The following UBE2Q2 variants were observed in gnomAD, a reference collection of about 807,000 sequenced individuals.
UBE2Q2 encodes ubiquitin conjugating enzyme E2 Q2, also known as ubiquitin-conjugating enzyme E2 Q2.
Under a neutral mutation model 59.9 loss-of-function variants are expected in UBE2Q2, and 54 were observed. The observed-to-expected ratio is 0.90, with a 90% CI of 0.72 to 1.13. The LOEUF is 1.13. Ranked by LOEUF, UBE2Q2 falls within the 50% of genes most tolerant of loss-of-function variation. UBE2Q2 has a pLI of 0.00. For missense variants in UBE2Q2, 433 were observed against 441.9 expected, an observed-to-expected ratio of 0.98 and a Z score of 0.18; for synonymous variants, 165 against 155.2, an observed-to-expected ratio of 1.06 and a Z score of -0.47.
Position 75,899,536 on chromosome 15 carries a change from G to GC in UBE2Q2, c.*82dup, listed in dbSNP as rs762281731. The stretch of plus-strand genomic sequence containing the variant: ...TAACATGCAGACAAAAGCTTTGAGT[G>GC]CCCCTATTACAGCAGTACCGAAGAT... On this transcript the variant is annotated 3_prime_UTR_variant, in exon 13 of 13. Coordinates refer to ENST00000267938, the MANE Select transcript of UBE2Q2 (RefSeq NM_173469.4). 2.3e-5 allele frequency: 29 copies of GC among 1,246,844 alleles called. No individual in the cohort carries two copies. The highest frequency in any genetic ancestry group is 3.2e-5 in the Non-Finnish European group (28 of 877,464). 77.2% of individuals were successfully genotyped at this position (1,246,844 alleles called of 1,614,324 possible).
At chr15:75,869,105 G>A in intron 4 of UBE2Q2, 95 bp downstream of exon 4, 2 of 1,030,660 alleles carry the variant, frequency 1.9e-6, no homozygotes, top group South Asian at 1.6e-5. Context: ...CTATTAATGT[G>A]GAATAATTGA....
intron 1 of UBE2Q2, among the ~76,000 whole-genome samples, chr15:75,853,515 T>C (rs532612672): frequency 2.6e-5 from 4 of 151,924 alleles, no homozygotes; most frequent in East Asian, 3.9e-4. Context: ...TATGTATGTA[T>C]GTATGTATGT....
At chr15:75,851,793 CT>C (rs1420292808) in intron 1 of UBE2Q2, among the ~76,000 whole-genome samples, 7 of 152,206 alleles carry the variant, frequency 4.6e-5, no homozygotes, top group Non-Finnish European at 8.8e-5. Flanking sequence ...CTCATGTATA[CT>C]TCCCGTTTCA....
chr15:75,850,787 T>C (rs1014801763), intron 1 of UBE2Q2, among the ~76,000 whole-genome samples: 7 of 152,214 alleles, frequency 4.6e-5, no homozygotes, highest in Admixed American at 2.6e-4. Flanking sequence ...CTTGAAAATA[T>C]ATTCAGCACT....
chr15:75,900,458 A>G lies in UBE2Q2; in HGVS notation c.*1000A>G, dbSNP rs1188609809. ...TTTTTATAGAACCTGACTCAAATCAAGGTACTCTCCATTTTATTGCCTTAC... is the reference window on the plus strand; with the variant it reads ...TTTTTATAGAACCTGACTCAAATCAGGGTACTCTCCATTTTATTGCCTTAC... On this transcript the variant is annotated 3_prime_UTR_variant, in exon 13 of 13. Coordinates refer to ENST00000267938, the MANE Select transcript of UBE2Q2 (RefSeq NM_173469.4). 6.6e-6 allele frequency: 1 copy of G among 152,636 alleles called. No individual in the cohort carries two copies. The highest frequency in any genetic ancestry group is 2.4e-5 in the African/African-American group (1 of 41,446). The allele number at this position is 152,636 out of a possible 1,614,324, so 9.5% of individuals were successfully genotyped here.
intron 3 of UBE2Q2, among the ~76,000 whole-genome samples, chr15:75,861,012 C>G (rs1483347071): frequency 1.3e-5 from 2 of 152,234 alleles, no homozygotes; most frequent in African/African-American, 2.4e-5. Context: ...TGTTCTGCTA[C>G]TTACTGGCTG....
At chr15:75,870,206 T>C (rs1239509247) in intron 4 of UBE2Q2, among the ~76,000 whole-genome samples, 1 of 152,146 alleles carries the variant, frequency 6.6e-6, no homozygotes, top group Non-Finnish European at 1.5e-5. Flanking sequence ...TAGCTGGGAC[T>C]ACAGGCGTGT....
chr15:75,893,890 C>A (rs1186356584), intron 11 of UBE2Q2, among the ~76,000 whole-genome samples: 1 of 152,152 alleles, frequency 6.6e-6, no homozygotes, highest in Non-Finnish European at 1.5e-5. Flanking sequence ...AAAATTCTAT[C>A]TATTCCTTTC....
intron 11 of UBE2Q2, among the ~76,000 whole-genome samples, chr15:75,896,063 A>G (rs999888604): frequency 6.6e-6 from 1 of 152,262 alleles, no homozygotes; most frequent in African/African-American, 2.4e-5. Flanking sequence ...ACATTCTCCA[A>G]GATATGCTAG....
rs758279814 is a variant in UBE2Q2, at chr15:75,869,027, AAAG to A, written c.447+22_447+24del. On this transcript the variant is annotated intron_variant, in intron 4 of 12. Coordinates refer to ENST00000267938, the MANE Select transcript of UBE2Q2 (RefSeq NM_173469.4). ...ATGGCTGAAGTAGGTATTTTATATA[AAAG>A]AAGAGTTCATAAATTTCTTCATTTT... The A allele has an allele frequency of 1.3e-6, 2 of 1,599,116 alleles. No homozygotes were observed. The highest frequency in any genetic ancestry group is 8.5e-7 in the Non-Finnish European group (1 of 1,170,426).
At chr15:75,897,222 A>ATTTAT (rs374922551) in intron 12 of UBE2Q2, among the ~76,000 whole-genome samples, 161 bp downstream of exon 12, 4,448 of 151,474 alleles carry the variant, frequency 0.029, 112 homozygotes, top group Middle Eastern at 0.065. Flanking sequence ...TTATTTATTT[A>ATTTAT]TTTATTTTAT....
At chr15:75,872,234 TA>T (rs1346492803) in intron 4 of UBE2Q2, among the ~76,000 whole-genome samples, 3 of 146,014 alleles carry the variant, frequency 2.1e-5, no homozygotes, top group African/African-American at 7.6e-5. Context: ...TCTCAAAAAA[TA>T]AAAAAATAAA....
chr15:75,888,635 T>C (rs1024611422), intron 9 of UBE2Q2, among the ~76,000 whole-genome samples: 5 of 152,226 alleles, frequency 3.3e-5, no homozygotes, highest in Non-Finnish European at 5.9e-5. Flanking sequence ...ACAAAATGAA[T>C]GTAATTTAAT....
At chr15:75,896,562 A>G (rs1344560096) in intron 11 of UBE2Q2, among the ~76,000 whole-genome samples, 1 of 152,206 alleles carries the variant, frequency 6.6e-6, no homozygotes, top group Non-Finnish European at 1.5e-5. Flanking sequence ...TGTCATTCAT[A>G]TGTATAGTTG....
rs920683090 is a variant in UBE2Q2, at chr15:75,843,602, G to A, written c.-65G>A. The A allele has an allele frequency of 1.5e-4, 222 of 1,433,464 alleles. No homozygotes were observed. Among genetic ancestry groups the A allele is most frequent in the Non-Finnish European group, 1.2e-4 (133 of 1,077,138 alleles). The allele number at this position is 1,433,464 out of a possible 1,614,324, so 88.8% of individuals were successfully genotyped here. On this transcript the variant is annotated 5_prime_UTR_variant, in exon 1 of 13. Coordinates refer to ENST00000267938, the MANE Select transcript of UBE2Q2 (RefSeq NM_173469.4). ...CGGTCGCGGCCGTGACGGCGGCTCC[G>A]GGCCCGGCTCCCCTTCCGCGCCCGG... is the stretch of plus-strand genomic sequence containing the variant.
Position 75,843,707 on chromosome 15 carries a change from C to T in UBE2Q2, c.41C>T (p.Ala14Val), listed in dbSNP as rs1416868040. 17 of 1,611,150 alleles carry T rather than the reference C, an allele frequency of 1.1e-5. No homozygotes were observed. The Admixed American group carries it at 2.5e-4, about 24-fold the overall frequency. ...SGLKAELKFL[A>V]SIFDKNHERF... ...CTCAAGGCCGAGCTGAAGTTCCTGG[C>T]GTCCATCTTCGACAAGAACCACGAG... Residue 14 changes from alanine (A) to valine (V), a missense_variant, in exon 1 of 13, where the codon GCG becomes GTG. Ala to Val is a moderately conservative substitution (Grantham distance 64). Coordinates refer to ENST00000267938, the MANE Select transcript of UBE2Q2 (RefSeq NM_173469.4).
At chr15:75,898,693 A>G (rs1899573626) in intron 12 of UBE2Q2, among the ~76,000 whole-genome samples, 2 of 152,202 alleles carry the variant, frequency 1.3e-5, no homozygotes, top group Admixed American at 6.5e-5. Context: ...AAATGACGTT[A>G]TGGCTCCGAT....
At chr15:75,873,647 G>T (rs2141617638) in intron 5 of UBE2Q2, 79 bp downstream of exon 5, 1 of 1,442,410 alleles carries the variant, frequency 6.9e-7, no homozygotes, top group Non-Finnish European at 9.4e-7. Context: ...TCATTAACAT[G>T]CCCATCTCAG....
chr15:75,886,626 G>A (rs185327040), intron 9 of UBE2Q2, among the ~76,000 whole-genome samples: 6 of 152,080 alleles, frequency 3.9e-5, no homozygotes, highest in Non-Finnish European at 7.4e-5. Flanking sequence ...GGTTGCTCAC[G>A]CCTGTAATCC....
Sources: gnomAD v4.1 joint callset for allele counts (sites outside exome capture counted in the v4.1 genomes callset) on GRCh38, gnomAD v4.1.1 for gene constraint, MANE v1.5 for transcripts, NCBI Gene and HGNC (gene_info 2026-07-23, HGNC 2026-07-21) for gene names.